Variants in BMPR1B observed in about 807,000 individuals in gnomAD.
BMPR1B encodes the protein bone morphogenetic protein receptor type-1B.
A neutral mutation model predicts 59.1 loss-of-function variants in BMPR1B; 12 were observed. The ratio of observed to expected loss-of-function variants is 0.20; its 90% CI spans 0.13 to 0.33. BMPR1B has a LOEUF of 0.33. Ranked by LOEUF, BMPR1B falls within the 10% of genes least tolerant of loss-of-function variation. The probability of loss-of-function intolerance (pLI) is 1.00; values close to 1 mark genes in which losing one functional copy is unlikely to be tolerated. For synonymous variants in BMPR1B, 237 were observed against 207.3 expected (o/e 1.14, Z -1.23); for missense variants, 550 against 610.9 (o/e 0.90, Z 1.05).
chr4:95,151,461 G>T (rs1735037123), intron 11 of BMPR1B, among the ~76,000 whole-genome samples: 1 of 152,176 alleles, frequency 6.6e-6, no homozygotes, highest in African/African-American at 2.4e-5. Context: ...CATCCTGCGT[G>T]TTAGGCCCTG....
At chr4:94,932,601 C>T (rs1729133309) in intron 2 of BMPR1B, among the ~76,000 whole-genome samples, 1 of 151,998 alleles carries the variant, frequency 6.6e-6, no homozygotes, top group Admixed American at 6.6e-5. Context: ...GGCAGTTTGT[C>T]ATAAATAAAT....
At chr4:95,096,869 G>A (rs1730441796) in intron 3 of BMPR1B, among the ~76,000 whole-genome samples, 2 of 135,352 alleles carry the variant, frequency 1.5e-5, no homozygotes. Context: ...TATAACTATA[G>A]TTATATATAT....
chr4:94,955,694 G>C (rs1405514476), intron 2 of BMPR1B, among the ~76,000 whole-genome samples: 2 of 114,290 alleles, frequency 1.7e-5, no homozygotes, highest in Non-Finnish European at 3.9e-5. Context: ...CAGTGGCACA[G>C]TCTCGGCTCA....
At chr4:94,888,355 C>A (rs1727261914) in intron 2 of BMPR1B, among the ~76,000 whole-genome samples, 1 of 151,104 alleles carries the variant, frequency 6.6e-6, no homozygotes, top group African/African-American at 2.4e-5. Context: ...ATGAGATATG[C>A]CAATTAAATC....
chr4:94,924,960 CTTACT>C (rs983248055), intron 2 of BMPR1B, among the ~76,000 whole-genome samples: 1 of 152,166 alleles, frequency 6.6e-6, no homozygotes, highest in African/African-American at 2.4e-5. Flanking sequence ...TCCAATTTAA[CTTACT>C]TTCCTAGAAG....
At chr4:94,836,453 A>C (rs1297277777) in intron 1 of BMPR1B, among the ~76,000 whole-genome samples, 1 of 141,552 alleles carries the variant, frequency 7.1e-6, no homozygotes, top group African/African-American at 2.7e-5. Flanking sequence ...TGCCATTCTA[A>C]CTGGTGTGAG....
chr4:94,962,350 C>CA (rs1280339252), intron 2 of BMPR1B, among the ~76,000 whole-genome samples: 5 of 152,218 alleles, frequency 3.3e-5, no homozygotes, highest in African/African-American at 9.6e-5. Flanking sequence ...GTTGGCCAGG[C>CA]TGGTCTTGAA....
chr4:95,084,514 G>C (rs1470729307), intron 3 of BMPR1B, among the ~76,000 whole-genome samples: 1 of 152,160 alleles, frequency 6.6e-6, no homozygotes, highest in East Asian at 1.9e-4. Flanking sequence ...TAAAGGTAGA[G>C]TTGGAAGCAG....
At chr4:95,136,708 A>C (rs1733817336) in intron 10 of BMPR1B, among the ~76,000 whole-genome samples, 1 of 152,116 alleles carries the variant, frequency 6.6e-6, no homozygotes, top group Non-Finnish European at 1.5e-5. Context: ...AGGTGTTTAT[A>C]GTATTCTCTG....
At chr4:94,929,321 C>T (rs893710241) in intron 2 of BMPR1B, among the ~76,000 whole-genome samples, 5 of 152,042 alleles carry the variant, frequency 3.3e-5, no homozygotes, top group African/African-American at 7.2e-5. Flanking sequence ...TAATATGTGC[C>T]GTGACCTATG....
At chr4:95,092,155 A>G (rs575215829) in intron 3 of BMPR1B, among the ~76,000 whole-genome samples, 2 of 152,256 alleles carry the variant, frequency 1.3e-5, no homozygotes, top group African/African-American at 4.8e-5. Context: ...AAATGTAATG[A>G]TTTAGATGTT....
intron 1 of BMPR1B, among the ~76,000 whole-genome samples, chr4:94,826,375 G>GTTA (rs1553909791): frequency 2.0e-5 from 3 of 151,756 alleles, no homozygotes; most frequent in African/African-American, 7.3e-5. Context: ...CTTTCACCAT[G>GTTA]TTTTAAAGCT....
intron 2 of BMPR1B, among the ~76,000 whole-genome samples, chr4:94,936,121 A>G (rs138058483): frequency 1.1e-3 from 169 of 152,344 alleles, no homozygotes; most frequent in African/African-American, 3.9e-3. Context: ...TACAAATAGC[A>G]GCAGCATGTT....
intron 2 of BMPR1B, among the ~76,000 whole-genome samples, chr4:94,915,925 T>C (rs1202060076): frequency 6.6e-6 from 1 of 152,136 alleles, no homozygotes; most frequent in Non-Finnish European, 1.5e-5. Flanking sequence ...TCGGGAGATC[T>C]GGTCATTTAA....
At chr4:94,925,558 TTG>T (rs1359247285) in intron 2 of BMPR1B, among the ~76,000 whole-genome samples, 2 of 152,162 alleles carry the variant, frequency 1.3e-5, no homozygotes, top group African/African-American at 4.8e-5. Context: ...AACTCACTAT[TTG>T]TGAATTTCAC....
chr4:94,777,970 G>C (rs1722441372), intron 1 of BMPR1B, among the ~76,000 whole-genome samples: 2 of 151,860 alleles, frequency 1.3e-5, no homozygotes, highest in African/African-American at 4.8e-5. Context: ...AGGTTGCAGT[G>C]AGTTGAGATT....
intron 1 of BMPR1B, among the ~76,000 whole-genome samples, chr4:94,793,124 G>A (rs1334194599): frequency 4.0e-5 from 6 of 151,674 alleles, no homozygotes; most frequent in East Asian, 1.9e-4. Context: ...CCACTATCTC[G>A]TCATTTAGCA....
intron 4 of BMPR1B, among the ~76,000 whole-genome samples, chr4:95,109,481 C>T (rs568893915): frequency 3.3e-4 from 50 of 152,146 alleles, no homozygotes; most frequent in Non-Finnish European, 5.7e-4. Flanking sequence ...TGCTCCTGAC[C>T]GTAGGTCTCA....
intron 1 of BMPR1B, among the ~76,000 whole-genome samples, chr4:94,770,888 CAAA>C (rs11292596): frequency 2.8e-4 from 25 of 88,248 alleles, no homozygotes; most frequent in Non-Finnish European, 4.1e-4. Flanking sequence ...ATTAGCCCTG[CAAA>C]AAAAAAAAAA....
Sources: gnomAD v4.1 joint callset for allele counts (sites outside exome capture counted in the v4.1 genomes callset) on GRCh38, gnomAD v4.1.1 for gene constraint, MANE v1.5 for transcripts, NCBI Gene and HGNC (gene_info 2026-07-23, HGNC 2026-07-21) for gene names.